The following LARP1 variants were observed in gnomAD, a reference collection of about 807,000 sequenced individuals.
LARP1 encodes la-related protein 1.
In LARP1, 36 loss-of-function variants were observed where a neutral mutation model predicts 122.7. The ratio of observed to expected loss-of-function variants is 0.29; its 90% confidence interval spans 0.22 to 0.39. The LOEUF (loss-of-function observed/expected upper bound fraction) is 0.39, where lower values mean the gene tolerates loss of function less well. LARP1 is among the 10% of genes least tolerant of loss of function. The probability of loss-of-function intolerance (pLI) is 1.00; values close to 1 mark genes in which losing one functional copy is unlikely to be tolerated. For synonymous variants in LARP1, 539 were observed against 528.7 expected (o/e 1.02, Z -0.27); for missense variants, 1,040 against 1,403.6 (o/e 0.74, Z 4.14).
Position 154,756,007 on chromosome 5 carries a change from G to C in LARP1, c.250G>C (p.Ala84Pro). The change falls in exon 1 of 19, where the codon GCC becomes CCC. Residue 84 changes from alanine (A) to proline (P), a missense_variant. Transcript: ENST00000518297. ...CCCGCGGCCGCTGCAGCTGCCCGGC[G>C]CCGAAGGCCCGGCCATCAGCGACGG... is the stretch of plus-strand genomic sequence containing the variant. The part of the protein sequence containing the change: ...ESPRPLQLPG[A>P]EGPAISDGEE... 9.8e-7 allele frequency: 1 copy of C among 1,018,896 alleles called. No individual in the cohort carries two copies. Among genetic ancestry groups the C allele is most frequent in the Non-Finnish European group, 1.2e-6 (1 of 853,012 alleles). The allele number at this position is 1,018,896 out of a possible 1,614,324, so 63.1% of individuals were successfully genotyped here. A position where few individuals can be genotyped will look rare whatever the true frequency, so the allele number is the denominator to read the frequency against.
chr5:154,811,870 C>T lies in LARP1; in HGVS notation c.3081+230C>T, dbSNP rs927380477. ...CTGCTTACCCTTTCTGTGGTACCAT[C>T]ATAATGCTCTTTCTCTCCTATCTCA... is the stretch of plus-strand genomic sequence containing the variant. On this transcript the variant is annotated intron_variant, in intron 18 of 18. Transcript: ENST00000518297. Among the ~76,000 whole-genome samples the T allele has an allele frequency of 3.3e-5, 5 of 152,296 alleles. No homozygotes were observed. In the South Asian group the frequency reaches 8.3e-4, roughly 25 times the overall value.
chr5:154,688,818 C>T (rs1403140986), intron 1 of LARP1, among the ~76,000 whole-genome samples: 3 of 152,010 alleles, frequency 2.0e-5, no homozygotes, highest in Admixed American at 2.0e-4. Flanking sequence ...AGAATGAGAC[C>T]CTGGTTCAAA....
chr5:154,727,416 A>G (rs6875019), intron 1 of LARP1, among the ~76,000 whole-genome samples: 46,516 of 152,082 alleles, frequency 0.31, 7,117 homozygotes, highest in South Asian at 0.36. Flanking sequence ...CGATATGTTT[A>G]AAGTCATAAA....
chr5:154,719,691 A>C (rs1421350545), intron 1 of LARP1, among the ~76,000 whole-genome samples: 1 of 151,004 alleles, frequency 6.6e-6, no homozygotes, highest in Non-Finnish European at 1.5e-5. Context: ...GTGAAACCCC[A>C]TCTCTACTAA....
At chr5:154,692,122 T>G (rs537196802) in intron 1 of LARP1, among the ~76,000 whole-genome samples, 66 of 152,352 alleles carry the variant, frequency 4.3e-4, no homozygotes, top group Non-Finnish European at 6.0e-4. Flanking sequence ...AAACCTTCGC[T>G]GGCTCCCTAG....
upstream of LARP1, among the ~76,000 whole-genome samples, chr5:154,709,729 G>T (rs918712045): frequency 6.6e-6 from 1 of 151,010 alleles, no homozygotes; most frequent in African/African-American, 2.4e-5. Context: ...ATAAAATAAT[G>T]AGCGGGCCAC....
intron 1 of LARP1, among the ~76,000 whole-genome samples, chr5:154,767,411 C>T (rs1209779542): frequency 1.3e-5 from 2 of 152,148 alleles, no homozygotes; most frequent in African/African-American, 4.8e-5. Flanking sequence ...TGTCCTGGGT[C>T]CTCTTCCCCT....
At chr5:154,751,994 G>C (rs989836165), upstream of LARP1, among the ~76,000 whole-genome samples, 2 of 152,014 alleles carry the variant, frequency 1.3e-5, no homozygotes, top group African/African-American at 4.8e-5. Context: ...AAAAAAAATA[G>C]AGACAGGGTC....
upstream of LARP1, among the ~76,000 whole-genome samples, chr5:154,755,077 G>A (rs566994134): frequency 6.6e-6 from 1 of 151,782 alleles, no homozygotes; most frequent in African/African-American, 2.4e-5. Context: ...CGCCCCCACC[G>A]ACAACTCCCG....
At chr5:154,745,166 T>TCCG (rs1753124357) in intron 1 of LARP1, among the ~76,000 whole-genome samples, 1 of 151,646 alleles carries the variant, frequency 6.6e-6, no homozygotes, top group African/African-American at 2.4e-5. Context: ...GACCTCGTGA[T>TCCG]CCGCCCGCCT....
At chr5:154,772,442 G>A (rs889656594) in intron 1 of LARP1, among the ~76,000 whole-genome samples, 5 of 152,054 alleles carry the variant, frequency 3.3e-5, no homozygotes, top group African/African-American at 4.8e-5. Flanking sequence ...AGACAAAATG[G>A]GGTCATAGTA....
At chr5:154,742,729 CAAAAAAA>C (rs542787090) in intron 1 of LARP1, among the ~76,000 whole-genome samples, 10 of 77,414 alleles carry the variant, frequency 1.3e-4, no homozygotes, top group Admixed American at 4.4e-4. Flanking sequence ...GACCCTGTCT[CAAAAAAA>C]AAAAAAAAGA....
rs70981943 is a variant in LARP1, at chr5:154,721,346, CAAAAAAA to C, written c.205+8235_205+8241del. On this transcript the variant is annotated intron_variant, in intron 1 of 18. Transcript: ENST00000336314. ...TGGGCAACAGAGCGAGACTCCGTCTCAAAAAAAAAAAAAAAAAAAAAAAAAGTGTCAG... is the reference window on the plus strand; with the variant it reads ...TGGGCAACAGAGCGAGACTCCGTCTCAAAAAAAAAAAAAAAAAAGTGTCAG... Among the ~76,000 whole-genome samples the C allele has an allele frequency of 3.1e-4, 39 of 126,914 alleles. No homozygotes were observed. In the East Asian group the frequency reaches 4.8e-3, roughly 16 times the overall value. 83.3% of individuals were successfully genotyped at this position (126,914 alleles called of 152,430 possible).
chr5:154,698,997 A>G lies in LARP1; in HGVS notation c.-180+15960A>G, dbSNP rs947234569. On this transcript the variant is annotated intron_variant, in intron 1 of 18. Coordinates refer to the LARP1 transcript ENST00000687700. ...GGAAGAAGAGAGAAATGCACAGACTATTTCTTTCGATACAAGCTGTGGGAT... is the reference window on the plus strand; with the variant it reads ...GGAAGAAGAGAGAAATGCACAGACTGTTTCTTTCGATACAAGCTGTGGGAT... Among the ~76,000 whole-genome samples, 195 of 152,252 alleles carry G rather than the reference A, an allele frequency of 1.3e-3. 1 individual carries two copies. Among genetic ancestry groups the G allele is most frequent in the Non-Finnish European group, 1.8e-4 (12 of 68,012 alleles).
At chr5:154,689,611 C>A (rs1452211553) in intron 1 of LARP1, among the ~76,000 whole-genome samples, 2 of 142,318 alleles carry the variant, frequency 1.4e-5, no homozygotes, top group African/African-American at 2.7e-5. Context: ...CAGACCATGA[C>A]TCCGTTTAAA....
At chr5:154,749,348 G>T (rs1424835008) in intron 1 of LARP1, among the ~76,000 whole-genome samples, 1 of 152,176 alleles carries the variant, frequency 6.6e-6, no homozygotes, top group Non-Finnish European at 1.5e-5. Context: ...AGAGGGGTGA[G>T]TGTGTTAAAA....
At chr5:154,742,922 T>G (rs1386634569) in intron 1 of LARP1, among the ~76,000 whole-genome samples, 3 of 152,150 alleles carry the variant, frequency 2.0e-5, no homozygotes, top group African/African-American at 7.2e-5. Flanking sequence ...TCTCACAGCC[T>G]GCTACTGCCC....
Position 154,799,908 on chromosome 5 carries a change from G to C in LARP1, c.1582G>C (p.Val528Leu). The C allele has an allele frequency of 6.2e-7, 1 of 1,614,160 alleles. No homozygotes were observed. Among genetic ancestry groups the C allele is most frequent in the Non-Finnish European group, 8.5e-7 (1 of 1,180,012 alleles). Reference sequence around the variant, plus strand: ...TGGCTCTCCTCGTGCAGTCACCCCAGTGCCAACCAAAACAGAGGAGGTCAG... The same window carrying C: ...TGGCTCTCCTCGTGCAGTCACCCCACTGCCAACCAAAACAGAGGAGGTCAG... ...APGSPRAVTP[V>L]PTKTEEVSNL... is the part of the protein sequence containing the mutation. Residue 528 changes from valine (V) to leucine (L), a missense_variant, in exon 10 of 19, where the codon GTG becomes CTG. Physicochemically the swap from Val to Leu is conservative, Grantham distance 32 (BLOSUM62 1). This residue lies in a region of LARP1 where 362 missense variants were observed against 533.1 expected (regional missense o/e 0.68). Coordinates refer to ENST00000518297, the MANE Select transcript of LARP1 (RefSeq NM_033551.3).
Position 154,817,041 on chromosome 5 carries a change from C to G in LARP1, c.*2945C>G, listed in dbSNP as rs1480146217. ...TCTTTTTTTTTTTTTTTCCCCTTTC[C>G]TGGTGATTGATTTTACAAAAGAAAG... On this transcript the variant is annotated 3_prime_UTR_variant, in exon 19 of 19. Coordinates refer to ENST00000518297, the MANE Select transcript of LARP1 (RefSeq NM_033551.3). 6.9e-6 allele frequency: 1 copy of G among 145,708 alleles called. No homozygotes were observed. Among genetic ancestry groups the G allele is most frequent in the Non-Finnish European group, 1.5e-5 (1 of 66,832 alleles). The allele number at this position is 145,708 out of a possible 1,614,324, so 9.0% of individuals were successfully genotyped here.
Sources: gnomAD v4.1 joint callset for allele counts (sites outside exome capture counted in the v4.1 genomes callset) on GRCh38, gnomAD v4.1.1 for gene constraint, gnomAD v4.1.1 regional missense constraint, MANE v1.5 for transcripts, NCBI Gene and HGNC (gene_info 2026-07-23, HGNC 2026-07-21) for gene names.